The following DCLK3 variants were observed in gnomAD, a reference collection of about 807,000 sequenced individuals.
The protein encoded by DCLK3 is doublecortin like kinase 3.
Under a neutral mutation model 46.4 loss-of-function variants are expected in DCLK3, and 30 were observed. The observed-to-expected ratio is 0.65, with a 90% CI of 0.48 to 0.88. The LOEUF is 0.88. DCLK3 is among the 40% of genes least tolerant of loss of function. DCLK3 has a pLI of 0.00. For synonymous variants in DCLK3, 401 were observed against 339.2 expected, an observed-to-expected ratio of 1.18 and a Z score of -2.00; for missense variants, 846 against 907.1, an observed-to-expected ratio of 0.93 and a Z score of 0.87.
At chr3:36,742,004 A>G (rs1168770296) in intron 1 of DCLK3, among the ~76,000 whole-genome samples, 1 of 152,174 alleles carries the variant, frequency 6.6e-6, no homozygotes, top group Non-Finnish European at 1.5e-5. Context: ...TTCAGTGAAT[A>G]CCTTAAGGAT....
chr3:36,728,591 C>G (rs999582802), intron 2 of DCLK3, among the ~76,000 whole-genome samples: 4 of 152,136 alleles, frequency 2.6e-5, no homozygotes, highest in Admixed American at 6.5e-5. Context: ...GGCTTTCTAG[C>G]CTTTGGGCTC....
chr3:36,762,632 C>T (rs1701549770), intron 1 of DCLK3, among the ~76,000 whole-genome samples: 2 of 152,148 alleles, frequency 1.3e-5, no homozygotes, highest in South Asian at 2.1e-4. Flanking sequence ...TGTAAATTCC[C>T]AGGCACTCCC....
At chr3:36,742,405 G>A (rs1421356104) in intron 1 of DCLK3, among the ~76,000 whole-genome samples, 1 of 152,178 alleles carries the variant, frequency 6.6e-6, no homozygotes, top group Admixed American at 6.5e-5. Flanking sequence ...CCTGAACAAA[G>A]AATAAGCTCC....
chr3:36,760,330 T>C (rs1452322503), intron 1 of DCLK3, among the ~76,000 whole-genome samples: 1 of 152,182 alleles, frequency 6.6e-6, no homozygotes, highest in African/African-American at 2.4e-5. Flanking sequence ...TAGTATTCCA[T>C]GGTGTATATG....
At chr3:36,751,083 A>C (rs1701437698) in intron 1 of DCLK3, among the ~76,000 whole-genome samples, 1 of 151,516 alleles carries the variant, frequency 6.6e-6, no homozygotes, top group Non-Finnish European at 1.5e-5. Context: ...AAAAAAAAAA[A>C]AAACTCCCCG....
rs1701059254 is a variant in DCLK3 at position 36,721,633 on chromosome 3, A to G, written c.1986T>C (p.Thr662=). 1 of 1,614,080 alleles carries G rather than the reference A, an allele frequency of 6.2e-7. No homozygotes were observed. Among genetic ancestry groups the G allele is most frequent in the Admixed American group, 1.7e-5 (1 of 60,004 alleles). The part of the protein sequence containing the change: ...LLVQRNEDKS[T]TLKLADFGLA... ...GTCCAAAATCAGCCAATTTCAAGGT[A>G]GTAGATTTGTCCTCATTTCGCTGAA... The change falls in exon 3 of 5, where the codon ACT becomes ACC. Residue 662 remains threonine (T), a synonymous_variant. Transcript: ENST00000636136.
chr3:36,720,671 A>AT (rs1414626517), intron 3 of DCLK3, among the ~76,000 whole-genome samples: 25 of 152,008 alleles, frequency 1.6e-4, no homozygotes, highest in Non-Finnish European at 1.3e-4. Flanking sequence ...CGCCCAGCTA[A>AT]TTTTTTTGTA....
At chr3:36,759,259 C>A (rs1701515859) in intron 1 of DCLK3, among the ~76,000 whole-genome samples, 1 of 152,226 alleles carries the variant, frequency 6.6e-6, no homozygotes, top group South Asian at 2.1e-4. Context: ...TTCTTCCATC[C>A]CAGCCGCCAT....
intron 3 of DCLK3, among the ~76,000 whole-genome samples, chr3:36,720,028 C>T (rs1471624676): frequency 6.6e-6 from 1 of 152,210 alleles, no homozygotes; most frequent in Non-Finnish European, 1.5e-5. Context: ...CCCTCCAAAT[C>T]TCATGTTGAA....
At position 36,714,558 on chromosome 3, in the gene DCLK3, C is replaced by T. The variant is rs1700950948; in HGVS notation, c.*770G>A. On this transcript the variant is annotated 3_prime_UTR_variant, in exon 5 of 5. Coordinates refer to ENST00000636136, the MANE Select transcript of DCLK3 (RefSeq NM_001394672.2). ...ATATTAATGTACTAAATGGCTCCCT[C>T]GTGATCTGAAAATGTTAACACGGTC... The T allele has an allele frequency of 1.3e-5, 2 of 152,326 alleles. No homozygotes were observed. The highest frequency in any genetic ancestry group is 4.1e-4 in the South Asian group (2 of 4,826). The allele number at this position is 152,326 out of a possible 1,614,324, so 9.4% of individuals were successfully genotyped here. A position where few individuals can be genotyped will look rare whatever the true frequency, so the allele number is the denominator to read the frequency against.
chr3:36,750,676 A>T (rs973287590), intron 1 of DCLK3, among the ~76,000 whole-genome samples: 1 of 152,228 alleles, frequency 6.6e-6, no homozygotes, highest in Non-Finnish European at 1.5e-5. Context: ...TTAGAACTGC[A>T]AGGATAGTAG....
intron 1 of DCLK3, among the ~76,000 whole-genome samples, chr3:36,750,224 G>A (rs1023618443): frequency 1.3e-5 from 2 of 152,068 alleles, no homozygotes; most frequent in African/African-American, 4.8e-5. Flanking sequence ...AGGATTACAG[G>A]CATGTACTAC....
chr3:36,731,279 G>A (rs1163133682), intron 2 of DCLK3, among the ~76,000 whole-genome samples: 1 of 151,852 alleles, frequency 6.6e-6, no homozygotes. Context: ...TCAACATGCC[G>A]GAAACTGATT....
chr3:36,728,688 T>G (rs763880087), intron 2 of DCLK3, among the ~76,000 whole-genome samples: 1 of 152,312 alleles, frequency 6.6e-6, no homozygotes, highest in East Asian at 1.9e-4. Flanking sequence ...CTCCAGCTTG[T>G]GGACAGCCAG....
chr3:36,719,027 TA>T lies in DCLK3; in HGVS notation c.2093-851del, dbSNP rs1410834217. ...AAATATTTTTTACAAAAATGATTTCTAATAACTATTAGTATCCCCTTTACAT... is the reference window on the plus strand; with the variant it reads ...AAATATTTTTTACAAAAATGATTTCTATAACTATTAGTATCCCCTTTACAT... On this transcript the variant is annotated intron_variant, in intron 3 of 4. Transcript: ENST00000636136. Among the ~76,000 whole-genome samples the T allele has an allele frequency of 1.9e-4, 29 of 152,250 alleles. 1 individual carries two copies. Among genetic ancestry groups the T allele is most frequent in the Non-Finnish European group, 5.9e-5 (4 of 68,038 alleles).
At chr3:36,717,476 T>A (rs914584811) in intron 4 of DCLK3, among the ~76,000 whole-genome samples, 1 of 152,128 alleles carries the variant, frequency 6.6e-6, no homozygotes, top group Non-Finnish European at 1.5e-5. Flanking sequence ...CAGTGAGTAG[T>A]ACAGACAAAT....
chr3:36,749,512 G>A (rs765254229), intron 1 of DCLK3, among the ~76,000 whole-genome samples: 26 of 152,226 alleles, frequency 1.7e-4, no homozygotes, highest in Non-Finnish European at 3.5e-4. Flanking sequence ...TTCTAGAGAT[G>A]AAGCAGATCG....
At chr3:36,757,902 C>T (rs989447144) in intron 1 of DCLK3, among the ~76,000 whole-genome samples, 1 of 152,028 alleles carries the variant, frequency 6.6e-6, no homozygotes, top group Admixed American at 6.5e-5. Flanking sequence ...CCAGCTCCTG[C>T]GTGTCTCTCA....
chr3:36,728,047 G>A (rs545179879), intron 2 of DCLK3, among the ~76,000 whole-genome samples: 16 of 152,210 alleles, frequency 1.1e-4, no homozygotes, highest in African/African-American at 3.4e-4. Flanking sequence ...CCAGACTATC[G>A]TTCATGTCTG....
Sources: allele counts gnomAD v4.1 joint callset (sites outside exome capture counted in the v4.1 genomes callset), GRCh38; gene constraint gnomAD v4.1.1; transcripts MANE v1.5; gene names NCBI Gene and HGNC (gene_info 2026-07-23, HGNC 2026-07-21).